Variants in STK40 observed in about 807,000 individuals in gnomAD.
The protein encoded by STK40 is serine/threonine kinase 40.
In STK40, 13 loss-of-function variants were observed where a neutral mutation model predicts 47.9. That is an observed-to-expected ratio of 0.27 (90% CI 0.18 to 0.43). The LOEUF (loss-of-function observed/expected upper bound fraction) is 0.43. STK40 is among the 20% of genes least tolerant of loss of function. The pLI is 1.00. For missense variants in STK40, 460 were observed against 595.1 expected (o/e 0.77, Z 2.36); for synonymous variants, 225 against 243.2 (o/e 0.93, Z 0.69).
intron 1 of STK40, among the ~76,000 whole-genome samples, chr1:36,363,315 A>G (rs1378894346): frequency 6.6e-6 from 1 of 152,008 alleles, no homozygotes; most frequent in Admixed American, 6.6e-5. Context: ...ACAAACAAAA[A>G]CCATTAAGGA....
At chr1:36,369,078 T>C (rs1225803669) in intron 1 of STK40, among the ~76,000 whole-genome samples, 1 of 152,210 alleles carries the variant, frequency 6.6e-6, no homozygotes, top group Non-Finnish European at 1.5e-5. Context: ...CTCATATATG[T>C]TGGGCAGAGC....
At chr1:36,356,679 C>A (rs903909507) in intron 4 of STK40, among the ~76,000 whole-genome samples, 1 of 152,092 alleles carries the variant, frequency 6.6e-6, no homozygotes, top group African/African-American at 2.4e-5. Context: ...CCCGCCTTAG[C>A]CTCCCAAAGT....
chr1:36,359,299 G>A (rs984556059), intron 2 of STK40, among the ~76,000 whole-genome samples: 1 of 152,188 alleles, frequency 6.6e-6, no homozygotes. Context: ...CCAGCTACTT[G>A]GAAGGCTGAG....
At chr1:36,361,420 C>G in intron 1 of STK40, 80 bp from the exon 2 acceptor site, 1 of 1,587,846 alleles carries the variant, frequency 6.3e-7, no homozygotes, top group Non-Finnish European at 8.5e-7. Flanking sequence ...AGGCCTTTGA[C>G]TTGGGATGCA....
intron 1 of STK40, among the ~76,000 whole-genome samples, chr1:36,366,895 C>T (rs1246912342): frequency 3.3e-5 from 5 of 150,406 alleles, no homozygotes; most frequent in South Asian, 4.2e-4. Context: ...AGTGCAATGG[C>T]GCAATCTCTG....
At chr1:36,343,309 C>G in intron 10 of STK40, 55 bp downstream of exon 10, 2 of 1,574,698 alleles carry the variant, frequency 1.3e-6, no homozygotes, top group Non-Finnish European at 1.7e-6. Flanking sequence ...CTGCCTGCCC[C>G]CAGAAGCCTG....
intron 6 of STK40, among the ~76,000 whole-genome samples, chr1:36,350,290 G>A (rs1646740623): frequency 6.6e-6 from 1 of 152,168 alleles, no homozygotes; most frequent in Non-Finnish European, 1.5e-5. Flanking sequence ...CTCCAGTGCC[G>A]CTGCCCTGAA....
At chr1:36,375,404 G>T (rs1421422208) in intron 1 of STK40, among the ~76,000 whole-genome samples, 1 of 152,042 alleles carries the variant, frequency 6.6e-6, no homozygotes, top group Non-Finnish European at 1.5e-5. Flanking sequence ...CTACTCAGGA[G>T]GCTGAGGCAG....
In STK40 at chr1:36,344,321, A is replaced by G. The variant is rs1646681038; in HGVS notation, c.740-57T>C. The G allele has an allele frequency of 2.0e-6, 3 of 1,515,612 alleles. No individual in the cohort carries two copies. In the Admixed American group the frequency reaches 6.2e-5, roughly 31 times the overall value. 93.9% of individuals were successfully genotyped at this position (1,515,612 alleles called of 1,614,324 possible). A position where few individuals can be genotyped will look rare whatever the true frequency, so the allele number is the denominator to read the frequency against. ...GGCCACAGCACCACCGTGGCTCACC[A>G]GCCTGGAATCCCACCTGGGACCCTC... is the stretch of plus-strand genomic sequence containing the variant. On this transcript the variant is annotated intron_variant, in intron 7 of 10. Transcript: ENST00000373132.
Position 36,358,374 on chromosome 1 carries a change from G to A in STK40, c.207C>T (p.Thr69=). ...TDDFYQLKIL[T]LEERGDQGIE... is the part of the protein sequence containing the mutation. ...TGCCTTGGTCCCCCCTCTCCTCCAGGGTCAGGATCTTTAGGAAAGCATAAA... is the reference window on the plus strand; with the variant it reads ...TGCCTTGGTCCCCCCTCTCCTCCAGAGTCAGGATCTTTAGGAAAGCATAAA... The change falls in exon 4 of 11, where the codon ACC becomes ACT. Residue 69 remains threonine (T), a synonymous_variant. Transcript: ENST00000373132. The A allele has an allele frequency of 6.9e-6, 11 of 1,595,594 alleles. No homozygotes were observed. The highest frequency in any genetic ancestry group is 9.4e-6 in the Non-Finnish European group (11 of 1,165,804).
intron 7 of STK40, among the ~76,000 whole-genome samples, chr1:36,347,744 C>G (rs1449254906): frequency 6.6e-6 from 1 of 151,934 alleles, no homozygotes; most frequent in Non-Finnish European, 1.5e-5. Context: ...CCTCCACCTC[C>G]TGGGTTCAAG....
intron 5 of STK40, 137 bp from the exon 6 acceptor site, chr1:36,354,553 C>A (rs1646785676): frequency 1.2e-6 from 1 of 839,586 alleles, no homozygotes; most frequent in Non-Finnish European, 2.0e-6. Context: ...GCTCCAAGCA[C>A]AGGCAGATCA....
intron 1 of STK40, among the ~76,000 whole-genome samples, chr1:36,378,756 G>C (rs142260184): frequency 6.6e-6 from 1 of 152,000 alleles, no homozygotes; most frequent in African/African-American, 2.4e-5. Flanking sequence ...CGTGCCAGCC[G>C]GGCCTCCTTT....
At chr1:36,383,862 G>C (rs1647061850) in intron 1 of STK40, among the ~76,000 whole-genome samples, 1 of 151,824 alleles carries the variant, frequency 6.6e-6, no homozygotes, top group Non-Finnish European at 1.5e-5. Context: ...ACCTGGCTAA[G>C]CCTCCCCTCC....
At position 36,344,335 on chromosome 1, in the gene STK40, C is replaced by G. The variant is rs1346479503; in HGVS notation, c.740-71G>C. On this transcript the variant is annotated intron_variant, in intron 7 of 10. Coordinates refer to ENST00000373132, the MANE Select transcript of STK40 (RefSeq NM_001282547.2). ...CGTGGCTCACCAGCCTGGAATCCCA[C>G]CTGGGACCCTCCACCTGCCACCCTC... 3 of 1,500,454 alleles carry G rather than the reference C, an allele frequency of 2.0e-6. No individual in the cohort carries two copies. In the African/African-American group the frequency reaches 4.2e-5, roughly 21 times the overall value. 92.9% of individuals were successfully genotyped at this position (1,500,454 alleles called of 1,614,324 possible). A position where few individuals can be genotyped will look rare whatever the true frequency, so the allele number is the denominator to read the frequency against.
chr1:36,349,029 C>T (rs1646728826), intron 6 of STK40, among the ~76,000 whole-genome samples: 1 of 152,240 alleles, frequency 6.6e-6, no homozygotes, highest in Admixed American at 6.5e-5. Flanking sequence ...GCCGAGCTGT[C>T]CCAGCAGGGA....
intron 4 of STK40, among the ~76,000 whole-genome samples, chr1:36,357,921 CG>C (rs1570447815): frequency 1.3e-5 from 2 of 152,282 alleles, no homozygotes; most frequent in East Asian, 3.9e-4. Context: ...GGCCTGGGCC[CG>C]GGTGTCTTTA....
intron 1 of STK40, among the ~76,000 whole-genome samples, chr1:36,367,448 G>C (rs1646912256): frequency 6.6e-6 from 1 of 152,170 alleles, no homozygotes; most frequent in Non-Finnish European, 1.5e-5. Flanking sequence ...CTGTCAATTT[G>C]GGGCTAAAGT....
chr1:36,354,555 G>A (rs1330873893), intron 5 of STK40, 139 bp from the exon 6 acceptor site: 3 of 840,330 alleles, frequency 3.6e-6, no homozygotes, highest in Non-Finnish European at 6.0e-6. Context: ...TCCAAGCACA[G>A]GCAGATCAGG....
Sources: gnomAD v4.1 joint callset for allele counts (sites outside exome capture counted in the v4.1 genomes callset) on GRCh38, gnomAD v4.1.1 for gene constraint, MANE v1.5 for transcripts, NCBI Gene and HGNC (gene_info 2026-07-23, HGNC 2026-07-21) for gene names.